NPAS3: variants seen among roughly 807,000 people sequenced by gnomAD.
The protein encoded by NPAS3 is neuronal PAS domain protein 3, also known as neuronal PAS domain-containing protein 3.
NPAS3 carries 14 observed loss-of-function variants against 73.1 expected under a neutral mutation model. That is an observed-to-expected ratio of 0.19 (90% confidence interval 0.13 to 0.30). NPAS3 has a LOEUF of 0.30. NPAS3 is among the 10% of genes least tolerant of loss of function. The pLI is 1.00. For missense variants in NPAS3, 1,096 were observed against 1,250.0 expected (o/e 0.88, Z 1.86); for synonymous variants, 620 against 541.5 (o/e 1.14, Z -2.01).
At chr14:33,559,325 A>G (rs2055520552) in intron 4 of NPAS3, among the ~76,000 whole-genome samples, 1 of 152,238 alleles carries the variant, frequency 6.6e-6, no homozygotes. Flanking sequence ...TTCTAACACA[A>G]TGGGCACTGG....
chr14:33,490,829 C>G (rs1225987112), intron 4 of NPAS3, among the ~76,000 whole-genome samples: 2 of 152,202 alleles, frequency 1.3e-5, no homozygotes, highest in Non-Finnish European at 2.9e-5. Flanking sequence ...AGCTCCTCTC[C>G]TAGAGAGCCT....
intron 4 of NPAS3, among the ~76,000 whole-genome samples, chr14:33,486,912 C>T (rs1263425755): frequency 6.6e-6 from 1 of 152,186 alleles, no homozygotes; most frequent in African/African-American, 2.4e-5. Flanking sequence ...TTCAAGCCGC[C>T]TTGGCCTCCT....
intron 3 of NPAS3, among the ~76,000 whole-genome samples, chr14:33,276,789 A>G (rs985752623): frequency 1.3e-5 from 2 of 152,116 alleles, no homozygotes; most frequent in African/African-American, 4.8e-5. Flanking sequence ...TTTAAGATAA[A>G]TGATACTATG....
intron 4 of NPAS3, among the ~76,000 whole-genome samples, chr14:33,466,969 G>A (rs2050556872): frequency 6.6e-6 from 1 of 152,096 alleles, no homozygotes; most frequent in South Asian, 2.1e-4. Context: ...AGAAAGGTTA[G>A]GCTAAAAGTT....
At chr14:33,562,360 G>A (rs190619162) in intron 5 of NPAS3, among the ~76,000 whole-genome samples, 5 of 152,124 alleles carry the variant, frequency 3.3e-5, no homozygotes, top group East Asian at 3.9e-4. Flanking sequence ...ACCAGTAGTC[G>A]GCATCTTGAC....
At chr14:33,460,099 A>G (rs2050192674) in intron 4 of NPAS3, among the ~76,000 whole-genome samples, 1 of 152,214 alleles carries the variant, frequency 6.6e-6, no homozygotes, top group Admixed American at 6.5e-5. Context: ...GACTACAAGG[A>G]CTATTACAAG....
At chr14:33,121,439 A>C (rs1252594785) in intron 2 of NPAS3, among the ~76,000 whole-genome samples, 2 of 152,064 alleles carry the variant, frequency 1.3e-5, no homozygotes, top group Admixed American at 6.6e-5. Flanking sequence ...TGACTCCCCC[A>C]CTAGACTGAT....
intron 2 of NPAS3, among the ~76,000 whole-genome samples, chr14:33,189,293 T>A (rs2046086262): frequency 6.6e-6 from 1 of 152,218 alleles, no homozygotes; most frequent in Non-Finnish European, 1.5e-5. Context: ...GAGCTTGTTT[T>A]AAGGACAAAG....
intron 2 of NPAS3, among the ~76,000 whole-genome samples, chr14:33,183,318 T>TG (rs917130955): frequency 1.3e-5 from 2 of 149,712 alleles, no homozygotes; most frequent in African/African-American, 2.5e-5. Flanking sequence ...CCCAGCTACT[T>TG]GGGGGGCTGA....
intron 1 of NPAS3, among the ~76,000 whole-genome samples, chr14:32,986,751 G>A (rs545137065): frequency 1.2e-4 from 19 of 152,206 alleles, no homozygotes; most frequent in Admixed American, 1.3e-4. Flanking sequence ...TAACAGCAGC[G>A]TTGTAGCTTT....
Position 33,369,404 on chromosome 14 carries a change from C to CAAAAA in NPAS3, c.468+2155_468+2159dup, listed in dbSNP as rs3058296. Among the ~76,000 whole-genome samples, 611 of 90,876 alleles carry CAAAAA rather than the reference C, an allele frequency of 6.7e-3. 19 individuals are homozygous for CAAAAA. The highest frequency in any genetic ancestry group is 0.022 in the African/African-American group (498 of 22,890). The allele number at this position is 90,876 out of a possible 152,430, so 59.6% of individuals were successfully genotyped here. A position where few individuals can be genotyped will look rare whatever the true frequency, so the allele number is the denominator to read the frequency against. On this transcript the variant is annotated intron_variant, in intron 4 of 11. Transcript: ENST00000356141. ...TCTATTTATTTGAAGGCCTCATTTCCAAAAAAAAAAAAAAAAAAAAAAAGG... is the reference window on the plus strand; with the variant it reads ...TCTATTTATTTGAAGGCCTCATTTCCAAAAAAAAAAAAAAAAAAAAAAAAAAAAGG...
intron 2 of NPAS3, among the ~76,000 whole-genome samples, chr14:33,120,622 C>G (rs1418132216): frequency 6.6e-6 from 1 of 152,068 alleles, no homozygotes; most frequent in Non-Finnish European, 1.5e-5. Flanking sequence ...AAGTTTGGTC[C>G]ATGGGCTAAT....
intron 4 of NPAS3, among the ~76,000 whole-genome samples, chr14:33,477,206 A>G (rs1041658092): frequency 6.6e-6 from 1 of 152,074 alleles, no homozygotes. Context: ...TCTTTTGGTG[A>G]TGGGGGTAGG....
chr14:33,622,074 G>A (rs2058091663), intron 5 of NPAS3, among the ~76,000 whole-genome samples: 1 of 152,166 alleles, frequency 6.6e-6, no homozygotes, highest in South Asian at 2.1e-4. Context: ...ATGATGTGAA[G>A]TGGCAATCTG....
chr14:33,636,400 CTA>C (rs1431458533), intron 5 of NPAS3, among the ~76,000 whole-genome samples: 1 of 152,202 alleles, frequency 6.6e-6, no homozygotes, highest in Non-Finnish European at 1.5e-5. Context: ...TCAATAACTG[CTA>C]TGCACAGCTA....
chr14:33,646,341 T>A (rs1451704360), intron 5 of NPAS3, among the ~76,000 whole-genome samples: 1 of 152,168 alleles, frequency 6.6e-6, no homozygotes, highest in African/African-American at 2.4e-5. Flanking sequence ...GCTTAACCTT[T>A]TCTTACATTT....
intron 5 of NPAS3, among the ~76,000 whole-genome samples, chr14:33,627,766 A>G (rs1235724671): frequency 6.6e-6 from 1 of 152,222 alleles, no homozygotes; most frequent in Non-Finnish European, 1.5e-5. Flanking sequence ...TCCAAAACAA[A>G]TTCCTTTCAC....
chr14:33,699,037 G>A (rs558136492), intron 6 of NPAS3, among the ~76,000 whole-genome samples: 2 of 152,206 alleles, frequency 1.3e-5, no homozygotes, highest in South Asian at 4.2e-4. Flanking sequence ...ATCTCTGCAG[G>A]GACACATAGG....
At chr14:33,096,307 C>T (rs1160091293) in intron 2 of NPAS3, among the ~76,000 whole-genome samples, 1 of 152,212 alleles carries the variant, frequency 6.6e-6, no homozygotes, top group Non-Finnish European at 1.5e-5. Flanking sequence ...CTAGAAAGTA[C>T]TAGAAAGTAC....
Sources: allele counts gnomAD v4.1 joint callset (sites outside exome capture counted in the v4.1 genomes callset), GRCh38; gene constraint gnomAD v4.1.1; transcripts MANE v1.5; gene names NCBI Gene and HGNC (gene_info 2026-07-23, HGNC 2026-07-21).